The following RSPO3 variants were observed in gnomAD, a reference collection of about 807,000 sequenced individuals.
RSPO3 encodes the protein R-spondin-3.
A neutral mutation model predicts 36.5 loss-of-function variants in RSPO3; 17 were observed. The ratio of observed to expected loss-of-function variants is 0.47; its 90% CI spans 0.32 to 0.70. RSPO3 has a LOEUF of 0.70. Ranked by LOEUF, RSPO3 falls within the 30% of genes least tolerant of loss-of-function variation. The pLI, the probability that RSPO3 is intolerant of heterozygous loss-of-function variation, is 0.04. For missense variants in RSPO3, 294 were observed against 322.5 expected (o/e 0.91, Z 0.68); for synonymous variants, 108 against 107.0 (o/e 1.01, Z -0.06).
At chr6:127,133,763 A>T (rs117545633) in intron 1 of RSPO3, among the ~76,000 whole-genome samples, 1 of 152,180 alleles carries the variant, frequency 6.6e-6, no homozygotes, top group African/African-American at 2.4e-5. Flanking sequence ...ATATGGAAAA[A>T]TCAAAATTGA....
rs2114564330 is a variant in RSPO3, at chr6:127,139,571, A to G, written c.98-9077A>G. 2.0e-5 allele frequency among the ~76,000 whole-genome samples: 3 copies of G among 151,562 alleles called. No homozygotes were observed. In the East Asian group the frequency reaches 5.8e-4, roughly 29 times the overall value. On this transcript the variant is annotated intron_variant, in intron 1 of 4. Transcript: ENST00000356698. ...TTTTTTTTAAGGTTAGAAAAAAAATATTTCTAACCTTAAAAAAAAATTTCT... is the reference window on the plus strand; with the variant it reads ...TTTTTTTTAAGGTTAGAAAAAAAATGTTTCTAACCTTAAAAAAAAATTTCT...
At chr6:127,179,700 C>T (rs1198349556) in intron 4 of RSPO3, among the ~76,000 whole-genome samples, 1 of 151,754 alleles carries the variant, frequency 6.6e-6, no homozygotes, top group Non-Finnish European at 1.5e-5. Flanking sequence ...CAAGTTTTAC[C>T]ATGCTAAAAT....
intron 1 of RSPO3, among the ~76,000 whole-genome samples, chr6:127,131,070 T>C (rs1774043549): frequency 6.6e-6 from 1 of 152,134 alleles, no homozygotes; most frequent in South Asian, 2.1e-4. Context: ...TCCAGTTCTA[T>C]CCAGAGCTTA....
chr6:127,198,976 A>G lies in RSPO3; in HGVS notation c.*2969A>G, dbSNP rs1775567475. ...TGTTATTGAATTAAAAGCTGTTCAC[A>G]TTAGTGGTTATTAAATATTGAAATA... On this transcript the variant is annotated 3_prime_UTR_variant, in exon 5 of 5. Transcript: ENST00000356698. Among the ~76,000 whole-genome samples, 1 of 151,118 alleles carries G rather than the reference A, an allele frequency of 6.6e-6. No individual in the cohort carries two copies. The highest frequency in any genetic ancestry group is 2.1e-4 in the South Asian group (1 of 4,834).
At chr6:127,181,820 T>C (rs942828720) in intron 4 of RSPO3, among the ~76,000 whole-genome samples, 2 of 151,948 alleles carry the variant, frequency 1.3e-5, no homozygotes, top group Non-Finnish European at 2.9e-5. Context: ...GAATGGCTTA[T>C]ATACAGTCAT....
At chr6:127,188,589 C>CATATATAT in intron 4 of RSPO3, among the ~76,000 whole-genome samples, 1 of 147,376 alleles carries the variant, frequency 6.8e-6, no homozygotes, top group East Asian at 2.0e-4. Context: ...TTTCAAGTTA[C>CATATATAT]ATATATATAT....
chr6:127,191,032 T>G (rs765447531), intron 4 of RSPO3, among the ~76,000 whole-genome samples: 3 of 152,154 alleles, frequency 2.0e-5, no homozygotes, highest in Non-Finnish European at 4.4e-5. Flanking sequence ...TCAGGATCAC[T>G]CTCTTTGTCA....
rs192102686 is a variant in RSPO3, at chr6:127,174,440, A to G, written c.634+19002A>G. Among the ~76,000 whole-genome samples the G allele has an allele frequency of 2.0e-5, 3 of 152,038 alleles. No individual in the cohort carries two copies. In the East Asian group the frequency reaches 5.8e-4, roughly 30 times the overall value. On this transcript the variant is annotated intron_variant, in intron 4 of 4. Coordinates refer to ENST00000356698, the MANE Select transcript of RSPO3 (RefSeq NM_032784.5). ...ATTTAGCATAATTTTGAAATGGTGG[A>G]TATGTTCTGATCAGAGGACTAAGCA...
chr6:127,123,477 G>A (rs1307588018), intron 1 of RSPO3, among the ~76,000 whole-genome samples: 1 of 152,080 alleles, frequency 6.6e-6, no homozygotes, highest in Non-Finnish European at 1.5e-5. Flanking sequence ...TTCATATGCG[G>A]TAGTGGCAAC....
chr6:127,148,854 G>T lies in RSPO3; in HGVS notation c.289+15G>T. The T allele has an allele frequency of 6.3e-7, 1 of 1,587,302 alleles. No individual in the cohort carries two copies. The highest frequency in any genetic ancestry group is 1.1e-5 in the South Asian group (1 of 88,430). On this transcript the variant is annotated intron_variant, in intron 2 of 4. Transcript: ENST00000356698. ...TAAGTGTACAAGTAAGTGCCCACAC[G>T]AAATTGTATTTTTATCTCATCTTTG...
At chr6:127,181,213 C>G (rs1168912778) in intron 4 of RSPO3, among the ~76,000 whole-genome samples, 1 of 151,790 alleles carries the variant, frequency 6.6e-6, no homozygotes, top group East Asian at 1.9e-4. Context: ...TGGAGAAGAT[C>G]AGGGAAGAAT....
At chr6:127,125,695 A>G (rs552368788) in intron 1 of RSPO3, among the ~76,000 whole-genome samples, 3 of 152,300 alleles carry the variant, frequency 2.0e-5, no homozygotes, top group African/African-American at 4.8e-5. Flanking sequence ...GTAAGTGATC[A>G]ATGTGGATAA....
chr6:127,188,445 T>C (rs763381623), intron 4 of RSPO3, among the ~76,000 whole-genome samples: 2 of 151,350 alleles, frequency 1.3e-5, no homozygotes, highest in African/African-American at 4.8e-5. Flanking sequence ...AGCTATATAA[T>C]TTTTCTTTCT....
At chr6:127,178,033 ATAT>A (rs1289248321) in intron 4 of RSPO3, among the ~76,000 whole-genome samples, 1 of 151,812 alleles carries the variant, frequency 6.6e-6, no homozygotes, top group South Asian at 2.1e-4. Context: ...TATTCATTGA[ATAT>A]TAATAGGTAC....
chr6:127,192,653 C>T (rs1341602701), intron 4 of RSPO3: 1 of 985,164 alleles, frequency 1.0e-6, no homozygotes, highest in African/African-American at 1.7e-5. Context: ...GGTAGAACAT[C>T]AAGGGGAGAT....
At chr6:127,170,188 T>A (rs1036725011) in intron 4 of RSPO3, among the ~76,000 whole-genome samples, 1 of 151,800 alleles carries the variant, frequency 6.6e-6, no homozygotes, top group Non-Finnish European at 1.5e-5. Context: ...ATTGCTTGGC[T>A]ATCTACAGAT....
intron 4 of RSPO3, among the ~76,000 whole-genome samples, chr6:127,165,223 A>C (rs1428592418): frequency 6.6e-6 from 1 of 152,074 alleles, no homozygotes; most frequent in Non-Finnish European, 1.5e-5. Context: ...ATAACTCATG[A>C]ACAAAAATTA....
At chr6:127,137,211 T>G (rs1774177505) in intron 1 of RSPO3, among the ~76,000 whole-genome samples, 2 of 151,938 alleles carry the variant, frequency 1.3e-5, no homozygotes. Context: ...GGCCAAATGG[T>G]GAAACCACGT....
intron 1 of RSPO3, among the ~76,000 whole-genome samples, chr6:127,122,933 C>A (rs1007924315): frequency 6.6e-6 from 1 of 151,586 alleles, no homozygotes; most frequent in Non-Finnish European, 1.5e-5. Flanking sequence ...TCTAGTAGCT[C>A]GGTTTTAATT....
Sources: gnomAD v4.1 joint callset for allele counts (sites outside exome capture counted in the v4.1 genomes callset) on GRCh38, gnomAD v4.1.1 for gene constraint, MANE v1.5 for transcripts, NCBI Gene and HGNC (gene_info 2026-07-23, HGNC 2026-07-21) for gene names.